The following EML6 variants were observed in gnomAD, a reference collection of about 807,000 sequenced individuals.
The protein encoded by EML6 is EMAP like 6.
A neutral mutation model predicts 240.1 loss-of-function variants in EML6; 154 were observed. That is an observed-to-expected ratio of 0.64 (90% CI 0.56 to 0.73). The LOEUF is 0.73. EML6 is among the 30% of genes least tolerant of loss of function. The pLI is 0.00. For synonymous variants in EML6, 1,148 were observed against 899.0 expected, an observed-to-expected ratio of 1.28 and a Z score of -4.95; for missense variants, 2,964 against 2,474.6, an observed-to-expected ratio of 1.20 and a Z score of -4.20.
At chr2:54,964,421 T>C in intron 37 of EML6, 150 bp from the exon 38 acceptor site, 1 of 757,936 alleles carries the variant, frequency 1.3e-6, no homozygotes, top group Non-Finnish European at 2.1e-6. Flanking sequence ...TTGAATTCCG[T>C]AGAATGCCAG....
intron 2 of EML6, among the ~76,000 whole-genome samples, chr2:54,789,529 A>G (rs1572899061): frequency 6.8e-6 from 1 of 147,510 alleles, no homozygotes; most frequent in African/African-American, 2.5e-5. Flanking sequence ...AAAAAAAAAA[A>G]AAAAAAAAAA....
intron 9 of EML6, among the ~76,000 whole-genome samples, chr2:54,848,532 C>T (rs1669895713): frequency 6.6e-6 from 1 of 151,824 alleles, no homozygotes; most frequent in African/African-American, 2.4e-5. Flanking sequence ...ACTACACACA[C>T]ACACACACAC....
chr2:54,772,843 G>A (rs11901245), intron 2 of EML6, among the ~76,000 whole-genome samples: 16,854 of 152,220 alleles, frequency 0.11, 1,830 homozygotes, highest in East Asian at 0.3. Flanking sequence ...TGGTCGACGA[G>A]GGTGATGACA....
intron 35 of EML6, among the ~76,000 whole-genome samples, chr2:54,960,874 T>G (rs1249461333): frequency 6.6e-6 from 1 of 152,118 alleles, no homozygotes; most frequent in Non-Finnish European, 1.5e-5. Flanking sequence ...TGAATCAGAA[T>G]CTCAGGAGTG....
intron 14 of EML6, chr2:54,868,007 A>G (rs1265494563): frequency 1.3e-5 from 2 of 152,180 alleles, no homozygotes; most frequent in African/African-American, 4.8e-5. Flanking sequence ...CACTTAAAAT[A>G]CGGCTATTCT....
intron 16 of EML6, among the ~76,000 whole-genome samples, chr2:54,877,254 G>A (rs1316788798): frequency 6.6e-6 from 1 of 152,142 alleles, no homozygotes; most frequent in Non-Finnish European, 1.5e-5. Flanking sequence ...AAAGTGTTGG[G>A]ATTACAGATG....
At chr2:54,835,475 C>T (rs1409657097) in intron 7 of EML6, among the ~76,000 whole-genome samples, 2 of 152,174 alleles carry the variant, frequency 1.3e-5, no homozygotes, top group Admixed American at 6.5e-5. Context: ...CAACCTGTGA[C>T]ATGCAAGCTT....
chr2:54,829,909 T>G (rs895299253), intron 7 of EML6, among the ~76,000 whole-genome samples: 10 of 152,112 alleles, frequency 6.6e-5, no homozygotes, highest in African/African-American at 2.4e-4. Flanking sequence ...TCATGTGGGG[T>G]GGGTTCAAAC....
chr2:54,809,444 C>T (rs971778926), intron 2 of EML6, among the ~76,000 whole-genome samples: 1 of 152,268 alleles, frequency 6.6e-6, no homozygotes, highest in South Asian at 2.1e-4. Flanking sequence ...ATTCAGGGGA[C>T]AGGGTTCTTT....
intron 7 of EML6, among the ~76,000 whole-genome samples, chr2:54,834,497 T>A (rs1399184338): frequency 6.6e-6 from 1 of 152,236 alleles, no homozygotes; most frequent in Non-Finnish European, 1.5e-5. Context: ...TATTTACTTA[T>A]TTGTCCACTC....
At chr2:54,947,620 T>G (rs1675755565) in intron 28 of EML6, among the ~76,000 whole-genome samples, 1 of 152,018 alleles carries the variant, frequency 6.6e-6, no homozygotes, top group Non-Finnish European at 1.5e-5. Context: ...TGTACATAAC[T>G]CCCCACGACA....
chr2:54,830,985 C>T (rs544966410), intron 7 of EML6, among the ~76,000 whole-genome samples: 11 of 152,290 alleles, frequency 7.2e-5, no homozygotes, highest in South Asian at 2.1e-4. Context: ...GCCTTAAGTT[C>T]TCTGCCATAG....
chr2:54,856,596 C>G (rs1223132918), intron 11 of EML6, among the ~76,000 whole-genome samples: 1 of 152,178 alleles, frequency 6.6e-6, no homozygotes, highest in Non-Finnish European at 1.5e-5. Flanking sequence ...GCTGGCCTTC[C>G]ATATGTCATG....
chr2:54,925,186 C>CCA (rs1375865793), intron 26 of EML6, among the ~76,000 whole-genome samples: 1 of 152,048 alleles, frequency 6.6e-6, no homozygotes, highest in African/African-American at 2.4e-5. Context: ...CTTTCACTCT[C>CCA]CACACACACA....
intron 3 of EML6, among the ~76,000 whole-genome samples, chr2:54,815,909 C>T (rs888023951): frequency 2.0e-5 from 3 of 152,158 alleles, no homozygotes; most frequent in Admixed American, 6.5e-5. Flanking sequence ...TTTTAAAACC[C>T]CTTTAATTTA....
chr2:54,890,568 A>C (rs572038601), intron 17 of EML6, among the ~76,000 whole-genome samples: 1 of 152,140 alleles, frequency 6.6e-6, no homozygotes, highest in Non-Finnish European at 1.5e-5. Context: ...CAGGGCTTCA[A>C]CTTCTAAACA....
intron 29 of EML6, 77 bp downstream of exon 29, chr2:54,949,037 C>A: frequency 9.3e-7 from 1 of 1,071,288 alleles, no homozygotes; most frequent in Non-Finnish European, 1.4e-6. Context: ...CTGCACGTCC[C>A]AAAGACACAG....
chr2:54,811,881 G>T (rs1025156303), intron 2 of EML6, among the ~76,000 whole-genome samples: 2 of 152,128 alleles, frequency 1.3e-5, no homozygotes, highest in African/African-American at 4.8e-5. Flanking sequence ...AAAGTTAAAA[G>T]CTTATAGCAT....
At chr2:54,756,178 C>A (rs1007452289) in intron 2 of EML6, among the ~76,000 whole-genome samples, 2 of 152,016 alleles carry the variant, frequency 1.3e-5, no homozygotes, top group African/African-American at 4.8e-5. Context: ...GGTAAATGCC[C>A]CAAGGAGGCA....
Sources: allele counts gnomAD v4.1 joint callset (sites outside exome capture counted in the v4.1 genomes callset), GRCh38; gene constraint gnomAD v4.1.1; transcripts MANE v1.5; gene names NCBI Gene and HGNC (gene_info 2026-07-23, HGNC 2026-07-21).